Variants in PTPRT observed in about 807,000 individuals in gnomAD.
PTPRT encodes the protein receptor-type tyrosine-protein phosphatase T.
Under a neutral mutation model 176.8 loss-of-function variants are expected in PTPRT, and 56 were observed. The ratio of observed to expected loss-of-function variants is 0.32; its 90% CI spans 0.26 to 0.40. PTPRT has a LOEUF of 0.40. Among genes scored for constraint, PTPRT ranks in the 10% least tolerant of loss-of-function variants. The probability of loss-of-function intolerance (pLI) is 1.00; values close to 1 mark genes in which losing one functional copy is unlikely to be tolerated. For synonymous variants in PTPRT, 783 were observed against 739.0 expected (o/e 1.06, Z -0.96); for missense variants, 1,540 against 1,908.2 (o/e 0.81, Z 3.60).
intron 1 of PTPRT, among the ~76,000 whole-genome samples, chr20:43,041,393 A>C (rs1430053458): frequency 1.3e-5 from 2 of 152,256 alleles, no homozygotes; most frequent in Admixed American, 1.3e-4. Flanking sequence ...AAATTTATGA[A>C]GGTGACAACA....
chr20:42,214,988 T>C (rs771377252), intron 15 of PTPRT, among the ~76,000 whole-genome samples: 7 of 152,250 alleles, frequency 4.6e-5, no homozygotes, highest in Non-Finnish European at 1.0e-4. Flanking sequence ...TGAATTCTCT[T>C]AGCAATGCTT....
chr20:42,115,971 T>C (rs1600540779), intron 21 of PTPRT: 1 of 712,914 alleles, frequency 1.4e-6, no homozygotes, highest in East Asian at 2.7e-5. Flanking sequence ...CAGTCGACTG[T>C]TTAAGTCGCA....
At chr20:42,235,897 G>A (rs905671909) in intron 15 of PTPRT, among the ~76,000 whole-genome samples, 1 of 152,192 alleles carries the variant, frequency 6.6e-6, no homozygotes, top group African/African-American at 2.4e-5. Context: ...TCTGTCTCAT[G>A]TGTGCAAGTC....
intron 16 of PTPRT, among the ~76,000 whole-genome samples, chr20:42,168,843 T>C (rs1484596235): frequency 2.6e-5 from 4 of 152,190 alleles, no homozygotes; most frequent in Non-Finnish European, 5.9e-5. Flanking sequence ...TTGTGACCCC[T>C]GAGGAACAGT....
intron 9 of PTPRT, among the ~76,000 whole-genome samples, chr20:42,447,735 T>C (rs1478860799): frequency 6.6e-6 from 1 of 152,170 alleles, no homozygotes; most frequent in Non-Finnish European, 1.5e-5. Context: ...TTGGATGCCA[T>C]CACCTGGGTG....
chr20:42,568,583 T>C (rs1004730327), intron 7 of PTPRT, among the ~76,000 whole-genome samples: 1 of 152,180 alleles, frequency 6.6e-6, no homozygotes, highest in Non-Finnish European at 1.5e-5. Context: ...CATGCCCCTC[T>C]GGGTTGGCTC....
At chr20:42,435,524 A>G (rs1202374012) in intron 9 of PTPRT, among the ~76,000 whole-genome samples, 1 of 152,214 alleles carries the variant, frequency 6.6e-6, no homozygotes, top group Non-Finnish European at 1.5e-5. Flanking sequence ...GCACAGTAAA[A>G]GAAGGCCAGT....
intron 8 of PTPRT, among the ~76,000 whole-genome samples, chr20:42,465,247 T>C (rs1352055193): frequency 1.3e-4 from 20 of 152,152 alleles, no homozygotes; most frequent in Non-Finnish European, 5.9e-5. Flanking sequence ...AGAGTACCTC[T>C]CAACAGCTAA....
rs138042774 is a variant in PTPRT, at chr20:42,289,774, G to A, written c.2140-7249C>T. Among the ~76,000 whole-genome samples the A allele has an allele frequency of 3.8e-3, 580 of 152,114 alleles. 2 individuals are homozygous for A. Among genetic ancestry groups the A allele is most frequent in the Non-Finnish European group, 6.0e-3 (411 of 67,938 alleles). On this transcript the variant is annotated intron_variant, in intron 12 of 30. Coordinates refer to ENST00000373187, the MANE Select transcript of PTPRT (RefSeq NM_007050.6). ...TTAATCTTCCCTTCCACAGTTTCGT[G>A]CAGGAAAATGAGCCATTTCCTAAAA...
In PTPRT at chr20:42,844,151, C is replaced by A. The variant is rs6030518; in HGVS notation, c.214+41656G>T. ...GCCAGGCACTGTGCTAGGCACTTTC[C>A]ATTCATTATTTCACTTCACTCCCAT... is the stretch of plus-strand genomic sequence containing the variant. On this transcript the variant is annotated intron_variant, in intron 2 of 30. Coordinates refer to ENST00000373187, the MANE Select transcript of PTPRT (RefSeq NM_007050.6). Among the ~76,000 whole-genome samples the A allele has an allele frequency of 5.1e-3, 777 of 152,324 alleles. 5 individuals are homozygous for A. Among genetic ancestry groups the A allele is most frequent in the African/African-American group, 0.018 (731 of 41,574 alleles).
rs546675252 is a variant in PTPRT, at chr20:42,282,376, A to G, written c.2176+113T>C. 2.3e-4 allele frequency: 258 copies of G among 1,109,892 alleles called. 1 individual carries two copies. The South Asian group carries it at 3.3e-3, about 14-fold the overall frequency. 68.8% of individuals were successfully genotyped at this position (1,109,892 alleles called of 1,614,324 possible). On this transcript the variant is annotated intron_variant, in intron 13 of 30. Coordinates refer to ENST00000373187, the MANE Select transcript of PTPRT (RefSeq NM_007050.6). ...GATGCAAATGACTCCGGTGAAAATA[A>G]CAATTCTTTCTTGTTTTGAGTTACT...
At chr20:42,961,552 TCA>T (rs1981985088) in intron 1 of PTPRT, among the ~76,000 whole-genome samples, 1 of 152,154 alleles carries the variant, frequency 6.6e-6, no homozygotes, top group Non-Finnish European at 1.5e-5. Flanking sequence ...CACAGACGCT[TCA>T]CAGAAATGAG....
At chr20:42,204,764 G>A (rs2055410223) in intron 15 of PTPRT, among the ~76,000 whole-genome samples, 1 of 152,084 alleles carries the variant, frequency 6.6e-6, no homozygotes, top group African/African-American at 2.4e-5. Context: ...AAGGGATACT[G>A]GCAGGTAGAA....
intron 1 of PTPRT, among the ~76,000 whole-genome samples, chr20:42,981,419 C>A (rs1197193124): frequency 2.0e-5 from 3 of 152,238 alleles, no homozygotes; most frequent in African/African-American, 4.8e-5. Flanking sequence ...CCTTCCCACA[C>A]TGACTGTGGC....
At chr20:42,409,020 T>C (rs1167781907) in intron 9 of PTPRT, among the ~76,000 whole-genome samples, 2 of 152,204 alleles carry the variant, frequency 1.3e-5, no homozygotes, top group African/African-American at 2.4e-5. Context: ...GGGTCTCACC[T>C]CCTAATACTA....
chr20:42,667,711 C>T (rs2075340274), intron 7 of PTPRT, among the ~76,000 whole-genome samples: 1 of 152,220 alleles, frequency 6.6e-6, no homozygotes, highest in South Asian at 2.1e-4. Context: ...TTGCGGAGTT[C>T]AATTAACAAG....
chr20:42,437,834 T>C (rs1424774013), intron 9 of PTPRT, among the ~76,000 whole-genome samples: 1 of 152,130 alleles, frequency 6.6e-6, no homozygotes, highest in South Asian at 2.1e-4. Flanking sequence ...TAGATGAAAA[T>C]ATGCAAACAT....
rs1331796166 is a variant in PTPRT at position 42,085,907 on chromosome 20, A to G, written c.3847-54T>C. 153 of 1,511,750 alleles carry G rather than the reference A, an allele frequency of 1.0e-4. 1 individual carries two copies. The highest frequency in any genetic ancestry group is 1.3e-4 in the Non-Finnish European group (148 of 1,109,402). The allele number at this position is 1,511,750 out of a possible 1,614,324, so 93.6% of individuals were successfully genotyped here. On this transcript the variant is annotated intron_variant, in intron 27 of 30. Transcript: ENST00000373187. The stretch of plus-strand genomic sequence containing the variant: ...AGCTCAAAGGCAGGGGGCGGGTATC[A>G]AAGTCTCATTTATCAACAAGCTTTT...
intron 1 of PTPRT, among the ~76,000 whole-genome samples, chr20:43,102,910 A>G (rs1183327547): frequency 4.6e-5 from 7 of 152,216 alleles, no homozygotes; most frequent in African/African-American, 1.7e-4. Context: ...AAACTAAGAC[A>G]CAGAGAGAAA....
Sources: gnomAD v4.1 joint callset for allele counts (sites outside exome capture counted in the v4.1 genomes callset) on GRCh38, gnomAD v4.1.1 for gene constraint, MANE v1.5 for transcripts, NCBI Gene and HGNC (gene_info 2026-07-23, HGNC 2026-07-21) for gene names.